Variants in FES observed in about 807,000 individuals in gnomAD.
FES encodes the protein tyrosine-protein kinase Fes/Fps.
FES carries 83 observed loss-of-function variants against 109.6 expected under a neutral mutation model. The observed-to-expected ratio is 0.76, with a 90% CI of 0.63 to 0.91. The LOEUF (loss-of-function observed/expected upper bound fraction) is 0.91. FES is among the 40% of genes least tolerant of loss of function. FES has a pLI of 0.00. For synonymous variants in FES, 458 were observed against 442.1 expected (o/e 1.04, Z -0.45); for missense variants, 943 against 1,070.9 (o/e 0.88, Z 1.67).
chr15:90,885,002 C>G (rs1301478299), intron 1 of FES, 35 bp from the exon 2 acceptor site: 1 of 1,539,814 alleles, frequency 6.5e-7, no homozygotes, highest in Non-Finnish European at 8.8e-7. Context: ...CAGCTGCTGC[C>G]TTGCCTCCAG....
At chr15:90,888,145 G>A (rs1290603954) in intron 5 of FES, among the ~76,000 whole-genome samples, 5 of 152,108 alleles carry the variant, frequency 3.3e-5, no homozygotes, top group Non-Finnish European at 7.4e-5. Context: ...TCGCTCTGCC[G>A]CCCAGGCTAG....
Position 90,892,758 on chromosome 15 carries a change from G to C in FES, c.1759G>C (p.Val587Leu), listed in dbSNP as rs1433334321. 1.2e-6 allele frequency: 2 copies of C among 1,613,610 alleles called. No individual in the cohort carries two copies. The highest frequency in any genetic ancestry group is 1.7e-6 in the Non-Finnish European group (2 of 1,179,938). ...SGRLRADNTL[V>L]AVKSCRETLP... is the part of the protein sequence containing the mutation. ...ACGCCTGCGAGCCGACAACACCCTG[G>C]TGGCGGTGAAGTCTTGTCGAGAGAC... is the stretch of plus-strand genomic sequence containing the variant. The change falls in exon 14 of 19, where the codon GTG (valine) becomes CTG (leucine). Residue 587 changes from valine to leucine, a missense_variant. By Grantham distance (32) the Val-to-Leu change is conservative. Transcript: ENST00000328850.
rs1309259243 is a variant in FES, at chr15:90,884,509, G to C, written c.-45G>C. 6.5e-6 allele frequency: 1 copy of C among 152,848 alleles called. No individual in the cohort carries two copies. Among genetic ancestry groups the C allele is most frequent in the Non-Finnish European group, 1.5e-5 (1 of 68,436 alleles). The allele number at this position is 152,848 out of a possible 1,614,324, so 9.5% of individuals were successfully genotyped here. A position where few individuals can be genotyped will look rare whatever the true frequency, so the allele number is the denominator to read the frequency against. On this transcript the variant is annotated 5_prime_UTR_variant, in exon 1 of 19. Coordinates refer to ENST00000328850, the MANE Select transcript of FES (RefSeq NM_002005.4). ...CCGGGGTCCGCACCGGGCCTGAGTC[G>C]GTCCGAGGCCGTCCCAGGAGCAGCT...
chr15:90,886,386 G>A lies in FES; in HGVS notation c.388-575G>A, dbSNP rs1372608023. On this transcript the variant is annotated intron_variant, in intron 3 of 18. Transcript: ENST00000328850. ...GCGTAAAATATTTATTTACTATCTGGCCCTTTAAGAAAAAGACTGATCTAG... is the reference window on the plus strand; with the variant it reads ...GCGTAAAATATTTATTTACTATCTGACCCTTTAAGAAAAAGACTGATCTAG... Among the ~76,000 whole-genome samples, 5 of 152,184 alleles carry A rather than the reference G, an allele frequency of 3.3e-5. No individual in the cohort carries two copies. In the East Asian group the frequency reaches 7.7e-4, roughly 23 times the overall value.
In FES at chr15:90,893,669, G is replaced by A. The variant is rs746973521; in HGVS notation, c.2061G>A (p.Arg687=). The stretch of plus-strand genomic sequence containing the variant: ...TCTCACCCAGGGACCTGGCTGCTCG[G>A]AACTGCCTGGTGACAGAGAAGAATG... ...KCCIHRDLAA[R]NCLVTEKNVL... The change falls in exon 17 of 19, where the codon CGG becomes CGA. Residue 687 remains arginine, a synonymous_variant. Coordinates refer to ENST00000328850, the MANE Select transcript of FES (RefSeq NM_002005.4). The A allele has an allele frequency of 6.3e-7, 1 of 1,598,382 alleles. No homozygotes were observed. Among genetic ancestry groups the A allele is most frequent in the Non-Finnish European group, 8.5e-7 (1 of 1,172,460 alleles).
At chr15:90,888,497 G>T (rs1171691449) in intron 5 of FES, among the ~76,000 whole-genome samples, 1 of 152,256 alleles carries the variant, frequency 6.6e-6, no homozygotes, top group African/African-American at 2.4e-5. Flanking sequence ...CAGAGAGCAG[G>T]CTCTTGCCAT....
intron 14 of FES, 93 bp from the exon 15 acceptor site, chr15:90,893,007 G>T: frequency 6.9e-7 from 1 of 1,455,746 alleles, no homozygotes; most frequent in Non-Finnish European, 9.4e-7. Context: ...CGGGTCTGCT[G>T]GCCTTGGAGG....
Position 90,887,257 on chromosome 15 carries a change from CTA to C in FES, c.557_558del (p.Tyr186CysfsTer48). ...GGAAGCTCTTTGCTCACCACAACCG[CTA>C]TGTGCTGGGCGTGCGGGCTGCGCAG... is the stretch of plus-strand genomic sequence containing the variant. ...LWKLFAHHNR[Y>X]VLGVRAAQLH... On this transcript the variant is annotated frameshift_variant, in exon 5 of 19. Coordinates refer to ENST00000328850, the MANE Select transcript of FES (RefSeq NM_002005.4). LOFTEE classifies it high-confidence loss of function. The C allele has an allele frequency of 6.2e-7, 1 of 1,613,452 alleles. No homozygotes were observed. The highest frequency in any genetic ancestry group is 8.5e-7 in the Non-Finnish European group (1 of 1,180,046).
intron 1 of FES, 154 bp from the exon 2 acceptor site, chr15:90,884,883 G>A (rs1260132984): frequency 3.0e-6 from 2 of 671,070 alleles, no homozygotes; most frequent in Non-Finnish European, 5.2e-6. Flanking sequence ...CCAGGCTGCT[G>A]CTGGGTACCC....
intron 11 of FES, 62 bp downstream of exon 11, chr15:90,891,253 A>G: frequency 3.9e-6 from 6 of 1,526,054 alleles, no homozygotes; most frequent in South Asian, 1.2e-5. Flanking sequence ...CCCTTCCCCA[A>G]GGGAAATGGC....
chr15:90,895,312 C>A, intron 18 of FES, 104 bp from the exon 19 acceptor site: 1 of 1,009,358 alleles, frequency 9.9e-7, no homozygotes, highest in East Asian at 2.9e-5. Flanking sequence ...TCCTTCAGAA[C>A]AGTGCATCTT....
rs1171925784 is a variant in FES at position 90,890,859 on chromosome 15, G to T, written c.1321-123G>T. On this transcript the variant is annotated intron_variant, in intron 10 of 18. Transcript: ENST00000328850. ...ACTCCAGGGGCCTGTGGATGGCTCT[G>T]CATGCCACTCCATGGTTGTAAGGGC... The T allele has an allele frequency of 3.0e-6, 3 of 993,134 alleles. No individual in the cohort carries two copies. The East Asian group carries it at 7.8e-5, about 26-fold the overall frequency. The allele number at this position is 993,134 out of a possible 1,614,324, so 61.5% of individuals were successfully genotyped here. A position where few individuals can be genotyped will look rare whatever the true frequency, so the allele number is the denominator to read the frequency against.
At chr15:90,893,520 G>T (rs1176576042) in intron 16 of FES, 106 bp downstream of exon 16, 1 of 1,493,190 alleles carries the variant, frequency 6.7e-7, no homozygotes, top group East Asian at 2.3e-5. Context: ...AGCTCCAGAG[G>T]GGGAGTTGGC....
At chr15:90,892,571 A>T in intron 13 of FES, 136 bp from the exon 14 acceptor site, 1 of 743,432 alleles carries the variant, frequency 1.3e-6, no homozygotes, top group Non-Finnish European at 2.2e-6. Context: ...AGCGAGGGTC[A>T]AACTCCCAGA....
chr15:90,889,742 C>T lies in FES; in HGVS notation c.927-98C>T. ...GAGACTGTCCACACAGAGCTGTCACCAGGTGGCCGGGCTTGCTTGGCTCTA... is the reference window on the plus strand; with the variant it reads ...GAGACTGTCCACACAGAGCTGTCACTAGGTGGCCGGGCTTGCTTGGCTCTA... On this transcript the variant is annotated intron_variant, in intron 7 of 18. Transcript: ENST00000328850. The surrounding 1 kb of genome is among the most constrained non-coding windows in gnomAD (Gnocchi z 6.1). 9 of 1,602,788 alleles carry T rather than the reference C, an allele frequency of 5.6e-6. No homozygotes were observed. Among genetic ancestry groups the T allele is most frequent in the Non-Finnish European group, 7.7e-6 (9 of 1,174,346 alleles).
chr15:90,885,172 G>C lies in FES; in HGVS notation c.127G>C (p.Glu43Gln). The change falls in exon 2 of 19, where the codon GAG becomes CAG. Residue 43 changes from glutamate to glutamine, a missense_variant. By Grantham distance (29) the Glu-to-Gln change is conservative. Transcript: ENST00000328850. ...WMAQRVKSDR[E>Q]YAGLLHHMSL... ...GGCCCAGCGGGTCAAGAGTGACAGG[G>C]AGTATGCAGGACTGCTTCACCACAT... 1 of 1,613,920 alleles carries C rather than the reference G, an allele frequency of 6.2e-7. No homozygotes were observed. The highest frequency in any genetic ancestry group is 1.1e-5 in the South Asian group (1 of 91,090).
Position 90,887,388 on chromosome 15 carries a change from TC to T in FES, c.668+22del, listed in dbSNP as rs757859464. ...TGCATCCTGTAAGCCCGCAGCCCCG[TC>T]CCCTGGCCCCCACCCTTGAGCAGCC... On this transcript the variant is annotated intron_variant, in intron 5 of 18. Transcript: ENST00000328850. The T allele has an allele frequency of 1.9e-6, 3 of 1,590,924 alleles. No individual in the cohort carries two copies. The highest frequency in any genetic ancestry group is 1.7e-6 in the Non-Finnish European group (2 of 1,167,048).
At chr15:90,885,620 G>C (rs748364335) in intron 3 of FES, 35 bp downstream of exon 3, 4 of 1,596,208 alleles carry the variant, frequency 2.5e-6, no homozygotes, top group South Asian at 1.1e-5. Context: ...GGTCATTTCT[G>C]TCTAAATTTT....
At chr15:90,893,485 GC>G (rs1449276090) in intron 16 of FES, 71 bp downstream of exon 16, 1 of 1,503,912 alleles carries the variant, frequency 6.6e-7, no homozygotes, top group Non-Finnish European at 8.8e-7. Flanking sequence ...TACCCCTAGG[GC>G]CCCCCGCTGG....
Sources: gnomAD v4.1 joint callset for allele counts (sites outside exome capture counted in the v4.1 genomes callset) on GRCh38, gnomAD v4.1.1 for gene constraint, Gnocchi (gnomAD v3.1) non-coding constraint, MANE v1.5 for transcripts, NCBI Gene and HGNC (gene_info 2026-07-23, HGNC 2026-07-21) for gene names.